Variants in RALGDS observed in about 807,000 individuals in gnomAD.
RALGDS encodes ral guanine nucleotide dissociation stimulator.
A neutral mutation model predicts 99.8 loss-of-function variants in RALGDS; 44 were observed. The observed-to-expected ratio is 0.44, with a 90% CI of 0.35 to 0.57. RALGDS has a LOEUF of 0.57. RALGDS is among the 20% of genes least tolerant of loss of function. The pLI is 0.01. For missense variants in RALGDS, 1,022 were observed against 1,203.1 expected (o/e 0.85, Z 2.23); for synonymous variants, 529 against 505.0 (o/e 1.05, Z -0.64).
At position 133,108,773 on chromosome 9, in the gene RALGDS, G is replaced by A; in HGVS notation, c.678C>T (p.Ala226=). 2 of 1,613,660 alleles carry A rather than the reference G, an allele frequency of 1.2e-6. No homozygotes were observed. The highest frequency in any genetic ancestry group is 1.7e-6 in the Non-Finnish European group (2 of 1,180,014). ...PDFPCLKQLV[A]YVQLNMPGSD... ...AGCCTGGCATGTTGAGCTGCACGTA[G>A]GCCACCAGCTGCTTGAGGCAGGGAA... Residue 226 remains alanine, a synonymous_variant, in exon 5 of 18, where the codon GCC becomes GCT. Coordinates refer to ENST00000372050, the MANE Select transcript of RALGDS (RefSeq NM_006266.4).
At chr9:133,135,355 C>G (rs1316906986), upstream of RALGDS, among the ~76,000 whole-genome samples, 3 of 152,226 alleles carry the variant, frequency 2.0e-5, no homozygotes, top group Non-Finnish European at 2.9e-5. Flanking sequence ...CTGGCTGATT[C>G]ACCCACCGCA....
At chr9:133,116,870 T>C (rs367917360) in intron 1 of RALGDS, among the ~76,000 whole-genome samples, 76 of 152,356 alleles carry the variant, frequency 5.0e-4, no homozygotes, top group Middle Eastern at 3.4e-3. Flanking sequence ...GCCTCTGCCA[T>C]GGTCTCAGGC....
intron 1 of RALGDS, among the ~76,000 whole-genome samples, chr9:133,141,117 T>G (rs1278740813): frequency 6.6e-6 from 1 of 151,334 alleles, no homozygotes; most frequent in Non-Finnish European, 1.5e-5. Context: ...AGTGAGCAAA[T>G]GACCAGGGTC....
At chr9:133,100,031 C>G in intron 17 of RALGDS, 1 of 588,726 alleles carries the variant, frequency 1.7e-6, no homozygotes, top group South Asian at 1.9e-5. Flanking sequence ...TCTCTTTGCT[C>G]CTCACTGATG....
At position 133,102,058 on chromosome 9, in the gene RALGDS, G is replaced by C; in HGVS notation, c.2091C>G (p.Tyr697Ter). 6.4e-7 allele frequency: 1 copy of C among 1,565,202 alleles called. No homozygotes were observed. The highest frequency in any genetic ancestry group is 8.7e-7 in the Non-Finnish European group (1 of 1,154,474). Residue 697 changes from tyrosine (Y) to a stop codon, truncating the protein, a stop_gained, in exon 15 of 18, where the codon TAC (tyrosine) becomes TAG (stop). Transcript: ENST00000372050. LOFTEE classifies it high-confidence loss of function. ...CGTCAGCGATGTCCCCGCTGCTGAGGTAGGGGCCACACCTGAGCTGGTCAC... is the reference window on the plus strand; with the variant it reads ...CGTCAGCGATGTCCCCGCTGCTGAGCTAGGGGCCACACCTGAGCTGGTCAC... ...KSCDQLRCGP[Y>*]LSSGDIADAL...
upstream of RALGDS, among the ~76,000 whole-genome samples, chr9:133,124,550 G>GAC (rs924665641): frequency 3.3e-5 from 5 of 151,398 alleles, no homozygotes; most frequent in African/African-American, 7.3e-5. Context: ...GATAGACACA[G>GAC]ACACACACAC....
rs1449557309 is a variant in RALGDS at position 133,118,254 on chromosome 9, C to T, written c.183+2718G>A. Among the ~76,000 whole-genome samples the T allele has an allele frequency of 7.2e-5, 11 of 152,352 alleles. No homozygotes were observed. In the South Asian group the frequency reaches 2.3e-3, roughly 32 times the overall value. ...AGGGACAGGCCCTTTGCCTTGGGGTCTTCAGTGTCAAAGTGCTCATGAGCC... is the reference window on the plus strand; with the variant it reads ...AGGGACAGGCCCTTTGCCTTGGGGTTTTCAGTGTCAAAGTGCTCATGAGCC... On this transcript the variant is annotated intron_variant, in intron 1 of 17. Transcript: ENST00000372050.
intron 1 of RALGDS, among the ~76,000 whole-genome samples, chr9:133,120,411 C>A (rs987078875): frequency 6.7e-6 from 1 of 148,214 alleles, no homozygotes; most frequent in Non-Finnish European, 1.5e-5. Flanking sequence ...AGGCCTGCTG[C>A]TCCACCCCAT....
intron 6 of RALGDS, among the ~76,000 whole-genome samples, 185 bp from the exon 7 acceptor site, chr9:133,107,485 G>A (rs142000148): frequency 1.3e-5 from 2 of 152,322 alleles, no homozygotes; most frequent in Non-Finnish European, 2.9e-5. Flanking sequence ...ACCGCCTCGC[G>A]CAGCCTCACC....
Position 133,100,384 on chromosome 9 carries a change from T to C in RALGDS, c.2455-2A>G. 6.2e-7 allele frequency: 1 copy of C among 1,614,122 alleles called. No homozygotes were observed. The highest frequency in any genetic ancestry group is 1.7e-5 in the Admixed American group (1 of 60,032). On this transcript the variant is annotated splice_acceptor_variant, in intron 16 of 17. Transcript: ENST00000372050. LOFTEE classifies it high-confidence loss of function. ...CGGAGCCTTATCTTGGCTGGTCACCTGCATCGCGGCGGGGGATGGACCATC... is the reference window on the plus strand; with the variant it reads ...CGGAGCCTTATCTTGGCTGGTCACCCGCATCGCGGCGGGGGATGGACCATC...
chr9:133,131,649 A>T (rs1832337467), upstream of RALGDS, among the ~76,000 whole-genome samples: 1 of 152,082 alleles, frequency 6.6e-6, no homozygotes, highest in Non-Finnish European at 1.5e-5. Flanking sequence ...CCTCTGTGCC[A>T]GGCTCCAAGG....
intron 1 of RALGDS, among the ~76,000 whole-genome samples, chr9:133,114,393 G>A (rs1033704066): frequency 2.0e-5 from 3 of 152,186 alleles, no homozygotes; most frequent in Non-Finnish European, 4.4e-5. Flanking sequence ...GCAGGCTCCA[G>A]AGAGAGCTGC....
chr9:133,126,241 A>G (rs1588560557), intron 1 of RALGDS, among the ~76,000 whole-genome samples: 3 of 126,148 alleles, frequency 2.4e-5, no homozygotes, highest in African/African-American at 9.3e-5. Context: ...CGGGACGTGC[A>G]CCTGCCTTTC....
upstream of RALGDS, among the ~76,000 whole-genome samples, chr9:133,124,339 C>T (rs541486893): frequency 8.5e-5 from 13 of 152,052 alleles, no homozygotes; most frequent in African/African-American, 1.2e-4. Flanking sequence ...GAGACACACA[C>T]GCAGAGATAG....
intron 17 of RALGDS, chr9:133,100,007 T>A: frequency 1.8e-6 from 1 of 546,962 alleles, no homozygotes; most frequent in South Asian, 2.0e-5. Context: ...CCTGTCCCAG[T>A]GAAAAATGCC....
At chr9:133,106,953 G>T in intron 7 of RALGDS, 132 bp downstream of exon 7, 1 of 1,056,422 alleles carries the variant, frequency 9.5e-7, no homozygotes, top group Non-Finnish European at 1.4e-6. Context: ...TCCAGGCAGT[G>T]GGCTGGGAGA....
upstream of RALGDS, among the ~76,000 whole-genome samples, chr9:133,134,125 C>T (rs1324151596): frequency 6.6e-6 from 1 of 152,228 alleles, no homozygotes; most frequent in Non-Finnish European, 1.5e-5. Flanking sequence ...CGTCAAGTCG[C>T]TCAACACACA....
intron 1 of RALGDS, among the ~76,000 whole-genome samples, chr9:133,112,888 T>C (rs1463545337): frequency 6.6e-6 from 1 of 151,994 alleles, no homozygotes; most frequent in Non-Finnish European, 1.5e-5. Flanking sequence ...AGGGGACGGG[T>C]GTGAGAGGTG....
chr9:133,145,157 A>G (rs1388799617), intron 1 of RALGDS, among the ~76,000 whole-genome samples: 1 of 152,116 alleles, frequency 6.6e-6, no homozygotes, highest in African/African-American at 2.4e-5. Context: ...GAGAGAATAC[A>G]TTTCTGTTGT....
Sources: gnomAD v4.1 joint callset for allele counts (sites outside exome capture counted in the v4.1 genomes callset) on GRCh38, gnomAD v4.1.1 for gene constraint, MANE v1.5 for transcripts, NCBI Gene and HGNC (gene_info 2026-07-23, HGNC 2026-07-21) for gene names.